ATRN: variants seen among roughly 807,000 people sequenced by gnomAD.
ATRN encodes the protein attractin-2.
Under a neutral mutation model 178.7 loss-of-function variants are expected in ATRN, and 54 were observed. The ratio of observed to expected loss-of-function variants is 0.30; its 90% CI spans 0.24 to 0.38. ATRN has a LOEUF of 0.38. Among genes scored for constraint, ATRN ranks in the 10% least tolerant of loss-of-function variants. The pLI, the probability that ATRN is intolerant of heterozygous loss-of-function variation, is 1.00. For synonymous variants in ATRN, 636 were observed against 663.0 expected, an observed-to-expected ratio of 0.96 and a Z score of 0.63; for missense variants, 1,443 against 1,815.1, an observed-to-expected ratio of 0.79 and a Z score of 3.73.
At chr20:3,627,421 ATTAAAC>A (rs1057261698) in intron 25 of ATRN, among the ~76,000 whole-genome samples, 83 of 152,380 alleles carry the variant, frequency 5.4e-4, no homozygotes, top group African/African-American at 1.8e-3. Flanking sequence ...AGAACTGCTA[ATTAAAC>A]CTAAAGAAGT....
At chr20:3,625,315 T>A (rs2086929205) in intron 25 of ATRN, among the ~76,000 whole-genome samples, 1 of 152,144 alleles carries the variant, frequency 6.6e-6, no homozygotes, top group Admixed American at 6.6e-5. Context: ...AAAAGCCCCA[T>A]CTCTTTCATT....
chr20:3,572,954 A>G lies in ATRN; in HGVS notation c.2092+3A>G, dbSNP rs1472008176. Reference sequence around the variant, plus strand: ...ATCAGAATGTTTTTCCAAAAGAAGTATGTTTTTTTTTCTCTACTTAGATTT... The same window carrying G: ...ATCAGAATGTTTTTCCAAAAGAAGTGTGTTTTTTTTTCTCTACTTAGATTT... On this transcript the variant is annotated splice_donor_region_variant and intron_variant, in intron 12 of 28. Coordinates refer to ENST00000262919, the MANE Select transcript of ATRN (RefSeq NM_139321.3). 1.2e-6 allele frequency: 2 copies of G among 1,611,088 alleles called. No homozygotes were observed. The highest frequency in any genetic ancestry group is 1.3e-5 in the African/African-American group (1 of 74,632).
intron 1 of ATRN, among the ~76,000 whole-genome samples, chr20:3,513,079 G>A (rs2085158687): frequency 6.6e-6 from 1 of 152,186 alleles, no homozygotes. Context: ...TCTGATGGTA[G>A]TTTCTTTTGC....
At chr20:3,506,624 CAAAAA>C (rs1234061588) in intron 1 of ATRN, among the ~76,000 whole-genome samples, 2 of 84,276 alleles carry the variant, frequency 2.4e-5, no homozygotes, top group Non-Finnish European at 4.8e-5. Context: ...GACTACATCT[CAAAAA>C]AAAAAAAAAA....
chr20:3,595,988 A>AT (rs1386289126), intron 20 of ATRN, among the ~76,000 whole-genome samples: 1 of 152,266 alleles, frequency 6.6e-6, no homozygotes, highest in East Asian at 1.9e-4. Flanking sequence ...AAAGAAGAGA[A>AT]TTAGTTTATC....
chr20:3,488,708 C>T (rs1364926005), intron 1 of ATRN, among the ~76,000 whole-genome samples: 1 of 152,084 alleles, frequency 6.6e-6, no homozygotes, highest in Non-Finnish European at 1.5e-5. Flanking sequence ...ATGGCATTTC[C>T]ATATAGATTT....
chr20:3,547,618 T>C, intron 5 of ATRN, 129 bp downstream of exon 5: 4 of 799,018 alleles, frequency 5.0e-6, no homozygotes, highest in Non-Finnish European at 7.7e-6. Context: ...GCATTTAAGC[T>C]TGAAACATCC....
intron 3 of ATRN, among the ~76,000 whole-genome samples, chr20:3,542,634 C>T (rs1298349887): frequency 1.5e-5 from 1 of 68,212 alleles, no homozygotes; most frequent in Non-Finnish European, 3.1e-5. Flanking sequence ...TCCTTCCCTT[C>T]CCCTTCCCCT....
intron 1 of ATRN, among the ~76,000 whole-genome samples, chr20:3,526,458 A>T (rs1334742978): frequency 6.6e-6 from 1 of 152,220 alleles, no homozygotes; most frequent in African/African-American, 2.4e-5. Context: ...AATGGAAAAC[A>T]TTCCATGCTC....
At chr20:3,590,418 C>T (rs1288000718) in intron 18 of ATRN, among the ~76,000 whole-genome samples, 1 of 152,244 alleles carries the variant, frequency 6.6e-6, no homozygotes, top group South Asian at 2.1e-4. Flanking sequence ...GTAAATGTTT[C>T]CCCCATCCTA....
intron 11 of ATRN, among the ~76,000 whole-genome samples, chr20:3,570,070 C>CA (rs796676311): frequency 0.025 from 3,297 of 132,420 alleles, 118 homozygotes; most frequent in African/African-American, 0.081. Context: ...GACTCTAACT[C>CA]AAAAAAAAAA....
At chr20:3,491,928 G>T (rs538052782) in intron 1 of ATRN, among the ~76,000 whole-genome samples, 105 of 152,234 alleles carry the variant, frequency 6.9e-4, no homozygotes, top group African/African-American at 2.5e-3. Flanking sequence ...AAGAGGAGTG[G>T]AGTTAAATAT....
chr20:3,579,770 G>A lies in ATRN; in HGVS notation c.2544+998G>A, dbSNP rs117862193. Among the ~76,000 whole-genome samples the A allele has an allele frequency of 1.6e-4, 25 of 152,258 alleles. No individual in the cohort carries two copies. In the East Asian group the frequency reaches 1.9e-3, roughly 12 times the overall value. On this transcript the variant is annotated intron_variant, in intron 15 of 28. Coordinates refer to ENST00000262919, the MANE Select transcript of ATRN (RefSeq NM_139321.3). ...GCAGTTTCAGCTGTGGTACAGAAAC[G>A]TTTAGTGGAAATGTTCTTACCAAGC... is the stretch of plus-strand genomic sequence containing the variant.
intron 24 of ATRN, among the ~76,000 whole-genome samples, chr20:3,609,350 A>G (rs982415491): frequency 6.6e-6 from 1 of 152,196 alleles, no homozygotes; most frequent in Non-Finnish European, 1.5e-5. Context: ...TTGCTCCTAT[A>G]TAGAAATGAT....
At chr20:3,597,385 T>G (rs1279648208) in intron 21 of ATRN, among the ~76,000 whole-genome samples, 1 of 152,080 alleles carries the variant, frequency 6.6e-6, no homozygotes, top group African/African-American at 2.4e-5. Context: ...AAGAAGATAT[T>G]ACAGTGGCCA....
intron 1 of ATRN, among the ~76,000 whole-genome samples, chr20:3,487,917 T>TTCCACCCTTCTTGAAGGGC (rs1310381428): frequency 6.6e-6 from 1 of 152,166 alleles, no homozygotes; most frequent in African/African-American, 2.4e-5. Flanking sequence ...TCTTTAAGGG[T>TTCCACCCTTCTTGAAGGGC]TCCACCCTTC....
chr20:3,471,740 C>A (rs1342577416), intron 1 of ATRN, among the ~76,000 whole-genome samples: 1 of 152,146 alleles, frequency 6.6e-6, no homozygotes, highest in Admixed American at 6.5e-5. Flanking sequence ...GTGGGGGCAC[C>A]CCGACGGTAT....
At chr20:3,604,474 G>A (rs45470193) in intron 24 of ATRN, among the ~76,000 whole-genome samples, 3,339 of 152,334 alleles carry the variant, frequency 0.022, 45 homozygotes, top group Non-Finnish European at 0.033. Flanking sequence ...ATTTGCAAAA[G>A]CACTGTTGAA....
intron 27 of ATRN, among the ~76,000 whole-genome samples, chr20:3,642,730 T>G (rs1049942075): frequency 8.5e-5 from 13 of 152,220 alleles, no homozygotes; most frequent in African/African-American, 3.1e-4. Context: ...TTTGTGGGTA[T>G]AGTCAGCAGA....
Sources: gnomAD v4.1 joint callset for allele counts (sites outside exome capture counted in the v4.1 genomes callset) on GRCh38, gnomAD v4.1.1 for gene constraint, MANE v1.5 for transcripts, NCBI Gene and HGNC (gene_info 2026-07-23, HGNC 2026-07-21) for gene names.